Variants in NEGR1 observed in about 807,000 individuals in gnomAD.
NEGR1 encodes the protein neuronal growth regulator 1.
In NEGR1, 10 loss-of-function variants were observed where a neutral mutation model predicts 40.9. That is an observed-to-expected ratio of 0.24 (90% CI 0.15 to 0.42). The LOEUF is 0.42. NEGR1 is among the 10% of genes least tolerant of loss of function. The pLI is 1.00. For synonymous variants in NEGR1, 185 were observed against 166.8 expected (o/e 1.11, Z -0.84); for missense variants, 352 against 438.9 (o/e 0.80, Z 1.77).
chr1:71,396,615 C>T lies in NEGR1; in HGVS notation c.*10831G>A, dbSNP rs1646213220. 1 of 152,184 alleles carries T rather than the reference C, an allele frequency of 6.6e-6. No individual in the cohort carries two copies. Among genetic ancestry groups the T allele is most frequent in the Non-Finnish European group, 1.5e-5 (1 of 68,052 alleles). 9.4% of individuals were successfully genotyped at this position (152,184 alleles called of 1,614,324 possible). ...GAATTCCCACATATTGTGAGAGGGACTTGGTGGGAGGTAATTGAACCATGG... is the reference window on the plus strand; with the variant it reads ...GAATTCCCACATATTGTGAGAGGGATTTGGTGGGAGGTAATTGAACCATGG... On this transcript the variant is annotated 3_prime_UTR_variant, in exon 7 of 7. Coordinates refer to ENST00000357731, the MANE Select transcript of NEGR1 (RefSeq NM_173808.3).
At chr1:71,577,671 A>G (rs906041156) in intron 6 of NEGR1, among the ~76,000 whole-genome samples, 2 of 152,172 alleles carry the variant, frequency 1.3e-5, no homozygotes, top group African/African-American at 4.8e-5. Context: ...TGGTAATCAG[A>G]CCAATTTCTA....
At position 71,559,044 on chromosome 1, in the gene NEGR1, T is replaced by TATATAC. The variant is rs1488767009; in HGVS notation, c.940+33772_940+33773insGTATAT. Among the ~76,000 whole-genome samples, 545 of 62,194 alleles carry TATATAC rather than the reference T, an allele frequency of 8.8e-3. 2 individuals carry two copies. The highest frequency in any genetic ancestry group is 0.027 in the African/African-American group (514 of 19,204). 40.8% of individuals were successfully genotyped at this position (62,194 alleles called of 152,430 possible). A position where few individuals can be genotyped will look rare whatever the true frequency, so the allele number is the denominator to read the frequency against. ...GTATATATATATATATATATATATA[T>TATATAC]ACACATATATATTCATGTGTATGCA... On this transcript the variant is annotated intron_variant, in intron 6 of 6. Transcript: ENST00000357731.
chr1:72,169,768 T>A (rs1319100495), intron 1 of NEGR1, among the ~76,000 whole-genome samples: 1 of 152,198 alleles, frequency 6.6e-6, no homozygotes, highest in South Asian at 2.1e-4. Context: ...TGTCTGACAC[T>A]TCCTAATGCT....
At chr1:71,678,863 A>G (rs1012712577) in intron 4 of NEGR1, among the ~76,000 whole-genome samples, 6 of 152,102 alleles carry the variant, frequency 3.9e-5, no homozygotes, top group Admixed American at 3.3e-4. Flanking sequence ...TGAGAAAAGC[A>G]AGGAAAGGGG....
rs1540618 is a variant in NEGR1 at position 72,174,796 on chromosome 1, A to G, written c.176+107523T>C. On this transcript the variant is annotated intron_variant, in intron 1 of 6. Transcript: ENST00000357731. ...AAAAAATTTTCGGCTTTATGCCTCT[A>G]TAACATTGTATTATCACAATCTAAG... Among the ~76,000 whole-genome samples the G allele has an allele frequency of 5.9e-3, 903 of 152,236 alleles. 9 individuals are homozygous for G. The highest frequency in any genetic ancestry group is 0.021 in the African/African-American group (865 of 41,556).
At chr1:71,952,644 G>A (rs1834527) in intron 1 of NEGR1, among the ~76,000 whole-genome samples, 68,321 of 151,694 alleles carry the variant, frequency 0.45, 16,402 homozygotes, top group African/African-American at 0.61. Context: ...CAGATTTTCA[G>A]TGCAGATAAA....
intron 6 of NEGR1, among the ~76,000 whole-genome samples, chr1:71,559,748 A>C (rs1648381366): frequency 6.6e-6 from 1 of 151,544 alleles, no homozygotes; most frequent in Non-Finnish European, 1.5e-5. Context: ...TACTGTTTAC[A>C]GGCAATCTAA....
At chr1:71,681,520 T>G (rs575904536) in intron 4 of NEGR1, among the ~76,000 whole-genome samples, 1 of 152,304 alleles carries the variant, frequency 6.6e-6, no homozygotes, top group South Asian at 2.1e-4. Context: ...TAAGGTGTTT[T>G]GACATTGCTT....
chr1:71,677,804 G>T (rs1652695672), intron 4 of NEGR1, among the ~76,000 whole-genome samples: 1 of 152,160 alleles, frequency 6.6e-6, no homozygotes. Context: ...TTGCAGTCTA[G>T]CTTCGTATGA....
intron 1 of NEGR1, among the ~76,000 whole-genome samples, chr1:72,156,653 A>T (rs1331040207): frequency 6.6e-6 from 1 of 152,142 alleles, no homozygotes; most frequent in African/African-American, 2.4e-5. Flanking sequence ...AAACCAAGGA[A>T]CTACAGTGTT....
rs538454836 is a variant in NEGR1, at chr1:71,551,061, T to C, written c.940+41756A>G. ...TGCTCTTAAGAAGAATTTCTATGTA[T>C]ATTGTTTATAAGTACTTAAATAACA... On this transcript the variant is annotated intron_variant, in intron 6 of 6. Transcript: ENST00000357731. 4.5e-4 allele frequency among the ~76,000 whole-genome samples: 69 copies of C among 151,726 alleles called. No individual in the cohort carries two copies. In the East Asian group the frequency reaches 9.8e-3, roughly 22 times the overall value.
intron 1 of NEGR1, among the ~76,000 whole-genome samples, chr1:71,999,189 A>C (rs1386654632): frequency 6.6e-6 from 1 of 151,940 alleles, no homozygotes; most frequent in Non-Finnish European, 1.5e-5. Flanking sequence ...CTGAAAAGGA[A>C]TATAAGAATG....
At chr1:71,825,765 ACACT>A (rs769535548) in intron 2 of NEGR1, among the ~76,000 whole-genome samples, 1 of 151,920 alleles carries the variant, frequency 6.6e-6, no homozygotes, top group Non-Finnish European at 1.5e-5. Flanking sequence ...CTCATAATAA[ACACT>A]CAATGTATAT....
chr1:71,981,084 T>A (rs1342384577), intron 1 of NEGR1, among the ~76,000 whole-genome samples: 1 of 152,180 alleles, frequency 6.6e-6, no homozygotes, highest in Non-Finnish European at 1.5e-5. Flanking sequence ...GTAAAATTCA[T>A]CATTGTATCC....
intron 1 of NEGR1, among the ~76,000 whole-genome samples, chr1:71,991,884 T>G (rs1218358463): frequency 2.0e-5 from 3 of 152,160 alleles, no homozygotes; most frequent in East Asian, 3.9e-4. Context: ...CTCCGCCTCC[T>G]GGGTTCAAGC....
intron 2 of NEGR1, among the ~76,000 whole-genome samples, chr1:71,779,024 G>A (rs778244672): frequency 2.0e-5 from 3 of 151,940 alleles, no homozygotes; most frequent in Non-Finnish European, 4.4e-5. Flanking sequence ...TGCCTTCCAG[G>A]GCCTCATAAT....
intron 1 of NEGR1, among the ~76,000 whole-genome samples, chr1:71,977,504 A>G (rs1215900358): frequency 6.6e-6 from 1 of 152,158 alleles, no homozygotes; most frequent in East Asian, 1.9e-4. Flanking sequence ...CAACGAGTGT[A>G]TCTCAACAAT....
intron 1 of NEGR1, among the ~76,000 whole-genome samples, chr1:72,254,516 C>T (rs1194665668): frequency 2.0e-5 from 3 of 151,932 alleles, no homozygotes; most frequent in African/African-American, 7.2e-5. Context: ...TCCTGACTAA[C>T]ACGATGAAAC....
At chr1:72,128,576 A>G (rs1650120018) in intron 1 of NEGR1, among the ~76,000 whole-genome samples, 1 of 152,190 alleles carries the variant, frequency 6.6e-6, no homozygotes, top group African/African-American at 2.4e-5. Context: ...AAACTGGAAT[A>G]GGTTTGGAAA....
Sources: allele counts gnomAD v4.1 joint callset (sites outside exome capture counted in the v4.1 genomes callset), GRCh38; gene constraint gnomAD v4.1.1; transcripts MANE v1.5; gene names NCBI Gene and HGNC (gene_info 2026-07-23, HGNC 2026-07-21).